AK5: variants seen among roughly 807,000 people sequenced by gnomAD.
The protein encoded by AK5 is adenylate kinase 5.
Under a neutral mutation model 69.5 loss-of-function variants are expected in AK5, and 27 were observed. The ratio of observed to expected loss-of-function variants is 0.39; its 90% CI spans 0.29 to 0.54. The LOEUF is 0.54. Ranked by LOEUF, AK5 falls within the 20% of genes least tolerant of loss-of-function variation. The probability of loss-of-function intolerance (pLI) is 0.71; values close to 1 mark genes in which losing one functional copy is unlikely to be tolerated. For synonymous variants in AK5, 260 were observed against 244.4 expected (o/e 1.06, Z -0.60); for missense variants, 531 against 700.4 (o/e 0.76, Z 2.73).
chr1:77,298,725 A>G (rs939068712), intron 5 of AK5, among the ~76,000 whole-genome samples: 2 of 152,016 alleles, frequency 1.3e-5, no homozygotes, highest in East Asian at 1.9e-4. Context: ...TCAGGAGGCT[A>G]AGAGAGACTG....
At chr1:77,390,588 A>T (rs139308973) in intron 6 of AK5, among the ~76,000 whole-genome samples, 3 of 152,368 alleles carry the variant, frequency 2.0e-5, no homozygotes, top group African/African-American at 7.2e-5. Flanking sequence ...AAAAGGCAAT[A>T]GGAATAAACA....
At chr1:77,365,043 T>TA (rs1491248950) in intron 6 of AK5, among the ~76,000 whole-genome samples, 7 of 152,176 alleles carry the variant, frequency 4.6e-5, no homozygotes, top group South Asian at 2.1e-4. Context: ...TTGTTTTTTT[T>TA]ATCTTTTGAT....
At chr1:77,320,375 G>A (rs1396297896) in intron 5 of AK5, among the ~76,000 whole-genome samples, 1 of 152,114 alleles carries the variant, frequency 6.6e-6, no homozygotes. Flanking sequence ...TTCATTATGT[G>A]GGTAGAAATA....
chr1:77,367,589 T>TATA (rs1553139773), intron 6 of AK5, among the ~76,000 whole-genome samples: 3 of 43,590 alleles, frequency 6.9e-5, no homozygotes, highest in East Asian at 8.8e-4. Context: ...AATATATATG[T>TATA]TATATATGTA....
In AK5 at chr1:77,559,533, A is replaced by T. The variant is rs749805051; in HGVS notation, c.*863A>T. On this transcript the variant is annotated 3_prime_UTR_variant, in exon 14 of 14. Transcript: ENST00000354567. The stretch of plus-strand genomic sequence containing the variant: ...TATCAAATTATAATTTTGATTTTAA[A>T]TGGTCACCCATGTATTTATTTGTTG... The T allele has an allele frequency of 4.0e-5, 4 of 99,944 alleles. No homozygotes were observed. The highest frequency in any genetic ancestry group is 1.0e-4 in the Non-Finnish European group (4 of 39,964). 6.2% of individuals were successfully genotyped at this position (99,944 alleles called of 1,614,324 possible).
chr1:77,411,141 A>G, intron 7 of AK5, 70 bp downstream of exon 7: 1 of 1,329,096 alleles, frequency 7.5e-7, no homozygotes, highest in East Asian at 2.4e-5. Flanking sequence ...CTTTGTATTA[A>G]TGGTTGAAGT....
intron 6 of AK5, among the ~76,000 whole-genome samples, chr1:77,350,162 T>C (rs776545040): frequency 3.3e-5 from 5 of 152,092 alleles, no homozygotes; most frequent in African/African-American, 4.8e-5. Context: ...GAAAGATAAA[T>C]AACTTGAACT....
chr1:77,507,973 C>T (rs1457165924), intron 10 of AK5, among the ~76,000 whole-genome samples: 1 of 152,196 alleles, frequency 6.6e-6, no homozygotes, highest in Non-Finnish European at 1.5e-5. Context: ...CTGAGTATCC[C>T]TACTCCAAAA....
chr1:77,527,517 A>G lies in AK5; in HGVS notation c.1428+5574A>G, dbSNP rs963205964. 1.9e-4 allele frequency among the ~76,000 whole-genome samples: 29 copies of G among 152,226 alleles called. 1 individual carries two copies. The highest frequency in any genetic ancestry group is 7.3e-5 in the Non-Finnish European group (5 of 68,042). The stretch of plus-strand genomic sequence containing the variant: ...CATGGTGACTGGACAGTTACACTCA[A>G]TGCTAAAATTCATGATTCCATTTCA... On this transcript the variant is annotated intron_variant, in intron 12 of 13. Transcript: ENST00000354567.
intron 10 of AK5, among the ~76,000 whole-genome samples, chr1:77,508,494 CT>C (rs1206623021): frequency 2.0e-5 from 3 of 152,166 alleles, no homozygotes; most frequent in Non-Finnish European, 4.4e-5. Context: ...GTAAAAACCT[CT>C]GCTCCAAACC....
intron 8 of AK5, among the ~76,000 whole-genome samples, chr1:77,447,293 G>A (rs965662026): frequency 1.3e-5 from 2 of 152,140 alleles, no homozygotes; most frequent in African/African-American, 4.8e-5. Context: ...GTCCTTCATA[G>A]CTTCAGTATA....
intron 8 of AK5, among the ~76,000 whole-genome samples, chr1:77,426,214 C>T (rs901715151): frequency 6.6e-6 from 1 of 152,120 alleles, no homozygotes; most frequent in Non-Finnish European, 1.5e-5. Flanking sequence ...AATCAAGACC[C>T]CACTATATGT....
In AK5 at chr1:77,521,875, G is replaced by C. The variant is rs762299911; in HGVS notation, c.1360G>C (p.Asp454His). 11 of 1,613,614 alleles carry C rather than the reference G, an allele frequency of 6.8e-6. No individual in the cohort carries two copies. The highest frequency in any genetic ancestry group is 1.7e-5 in the Admixed American group (1 of 59,892). Reference sequence around the variant, plus strand: ...GGAGGCCATGGTGGCCAGCCTCGGGGACACCAGGGGCTTCCTGATTGACGG... The same window carrying C: ...GGAGGCCATGGTGGCCAGCCTCGGGCACACCAGGGGCTTCCTGATTGACGG... The part of the protein sequence containing the change: ...LKEAMVASLG[D>H]TRGFLIDGYP... The change falls in exon 12 of 14, where the codon GAC becomes CAC. Residue 454 changes from aspartate (D) to histidine (H), a missense_variant. Transcript: ENST00000354567.
At chr1:77,442,810 C>G (rs746555267) in intron 8 of AK5, among the ~76,000 whole-genome samples, 1 of 152,168 alleles carries the variant, frequency 6.6e-6, no homozygotes, top group African/African-American at 2.4e-5. Context: ...GGATCAATAA[C>G]AAGGATGGTG....
At chr1:77,520,160 G>T (rs1476499459) in intron 11 of AK5, among the ~76,000 whole-genome samples, 1 of 140,650 alleles carries the variant, frequency 7.1e-6, no homozygotes, top group East Asian at 2.1e-4. Context: ...CCAAGATCAC[G>T]CCTCTGCACT....
intron 5 of AK5, among the ~76,000 whole-genome samples, chr1:77,339,397 C>T (rs1661531879): frequency 6.6e-6 from 1 of 152,168 alleles, no homozygotes; most frequent in Admixed American, 6.5e-5. Flanking sequence ...AAACTTTTTA[C>T]TTCATAGGTT....
intron 10 of AK5, among the ~76,000 whole-genome samples, chr1:77,506,941 GT>G (rs1657064560): frequency 6.6e-6 from 1 of 152,058 alleles, no homozygotes. Flanking sequence ...AGAGGCTGCA[GT>G]GAGCCAAGAT....
chr1:77,423,231 T>TA lies in AK5; in HGVS notation c.1059+5526dup, dbSNP rs55772064. On this transcript the variant is annotated intron_variant, in intron 8 of 13. Coordinates refer to ENST00000354567, the MANE Select transcript of AK5 (RefSeq NM_174858.3). ...GCAAGACTCCGTCTAAAAAAAAAAA[T>TA]AAAAAAAAAAGAAGAACTACTGTTG... Among the ~76,000 whole-genome samples, 211 of 132,296 alleles carry TA rather than the reference T, an allele frequency of 1.6e-3. 9 individuals are homozygous for TA. Among genetic ancestry groups the TA allele is most frequent in the Non-Finnish European group, 2.6e-3 (167 of 63,938 alleles). The allele number at this position is 132,296 out of a possible 152,430, so 86.8% of individuals were successfully genotyped here. A position where few individuals can be genotyped will look rare whatever the true frequency, so the allele number is the denominator to read the frequency against.
intron 5 of AK5, among the ~76,000 whole-genome samples, chr1:77,303,902 A>C (rs1000183074): frequency 2.0e-5 from 3 of 152,162 alleles, no homozygotes; most frequent in Admixed American, 2.0e-4. Flanking sequence ...ATATATATTT[A>C]AGGGGCACAT....
Sources: allele counts gnomAD v4.1 joint callset (sites outside exome capture counted in the v4.1 genomes callset), GRCh38; gene constraint gnomAD v4.1.1; transcripts MANE v1.5; gene names NCBI Gene and HGNC (gene_info 2026-07-23, HGNC 2026-07-21).